The following RNF43 variants were observed in gnomAD, a reference collection of about 807,000 sequenced individuals.
RNF43 encodes the protein ring finger protein 43.
Under a neutral mutation model 78.4 loss-of-function variants are expected in RNF43, and 37 were observed. The observed-to-expected ratio is 0.47, with a 90% confidence interval of 0.36 to 0.62. The LOEUF is 0.62. Among genes scored for constraint, RNF43 ranks in the 20% least tolerant of loss-of-function variants. The pLI, the probability that RNF43 is intolerant of heterozygous loss-of-function variation, is 0.00. For missense variants in RNF43, 774 were observed against 1,007.9 expected (o/e 0.77, Z 3.14); for synonymous variants, 347 against 395.0 (o/e 0.88, Z 1.44).
intron 2 of RNF43, among the ~76,000 whole-genome samples, chr17:58,400,665 G>C (rs1353664352): frequency 1.3e-5 from 2 of 152,196 alleles, no homozygotes; most frequent in Non-Finnish European, 2.9e-5. Context: ...CAAGTCTACT[G>C]AGAGCACTTT....
chr17:58,369,709 A>C (rs1008990548), intron 3 of RNF43, among the ~76,000 whole-genome samples: 1 of 152,226 alleles, frequency 6.6e-6, no homozygotes. Flanking sequence ...GTCATCCAGC[A>C]AGTTACCTGA....
intron 2 of RNF43, among the ~76,000 whole-genome samples, chr17:58,389,976 G>A (rs533969959): frequency 3.7e-4 from 57 of 152,234 alleles, no homozygotes; most frequent in Admixed American, 6.5e-4. Flanking sequence ...AGTATTACTC[G>A]TCTTAGATGA....
At chr17:58,376,137 C>T (rs1024859411) in intron 2 of RNF43, among the ~76,000 whole-genome samples, 3 of 152,136 alleles carry the variant, frequency 2.0e-5, no homozygotes, top group African/African-American at 7.2e-5. Flanking sequence ...TACTAGACCC[C>T]AGGAGGCTGG....
chr17:58,411,819 G>C (rs1001242758), intron 2 of RNF43, among the ~76,000 whole-genome samples: 2 of 152,138 alleles, frequency 1.3e-5, no homozygotes, highest in African/African-American at 4.8e-5. Flanking sequence ...TTTAGAAGTG[G>C]TGGCAATAAT....
intron 8 of RNF43, among the ~76,000 whole-genome samples, chr17:58,359,922 G>A (rs188170284): frequency 7.0e-4 from 106 of 152,032 alleles, no homozygotes; most frequent in African/African-American, 1.9e-3. Flanking sequence ...GTGAAACTCC[G>A]TCTCAAAAAA....
intron 9 of RNF43, among the ~76,000 whole-genome samples, 169 bp from the exon 10 acceptor site, chr17:58,355,155 A>G (rs1972662351): frequency 6.6e-6 from 1 of 152,212 alleles, no homozygotes; most frequent in Admixed American, 6.5e-5. Context: ...GTTGGGACAC[A>G]GGGGAGAGAA....
chr17:58,409,032 G>A (rs763533381), intron 2 of RNF43, among the ~76,000 whole-genome samples: 10 of 152,120 alleles, frequency 6.6e-5, no homozygotes, highest in Non-Finnish European at 1.3e-4. Context: ...GAGAATATGA[G>A]TCCTCAGGGA....
At chr17:58,377,268 A>G (rs1339656018) in intron 2 of RNF43, among the ~76,000 whole-genome samples, 1 of 152,220 alleles carries the variant, frequency 6.6e-6, no homozygotes, top group African/African-American at 2.4e-5. Flanking sequence ...ACTTAATGGC[A>G]GCTGTTTTTA....
At chr17:58,384,605 A>T (rs1973392948) in intron 2 of RNF43, among the ~76,000 whole-genome samples, 1 of 152,210 alleles carries the variant, frequency 6.6e-6, no homozygotes, top group South Asian at 2.1e-4. Context: ...TTAGGTAACT[A>T]AGGCTTGAAG....
downstream of RNF43, chr17:58,353,045 C>T: frequency 4.7e-6 from 1 of 214,252 alleles, no homozygotes; most frequent in South Asian, 1.9e-4. Context: ...GGAGCACCAG[C>T]TCTCTGTCCT....
intron 2 of RNF43, among the ~76,000 whole-genome samples, chr17:58,396,543 G>A (rs1973685872): frequency 6.6e-6 from 1 of 152,084 alleles, no homozygotes; most frequent in Non-Finnish European, 1.5e-5. Flanking sequence ...AAAACAGAGC[G>A]GGTACTGTCC....
chr17:58,384,691 G>A (rs1047256257), intron 2 of RNF43, among the ~76,000 whole-genome samples: 2 of 152,166 alleles, frequency 1.3e-5, no homozygotes, highest in Admixed American at 1.3e-4. Flanking sequence ...AATGAAGGGA[G>A]ACTTGACAGA....
intron 2 of RNF43, among the ~76,000 whole-genome samples, chr17:58,384,468 T>C (rs565906764): frequency 6.6e-6 from 1 of 152,392 alleles, no homozygotes; most frequent in African/African-American, 2.4e-5. Flanking sequence ...ACTCTGCTAA[T>C]GGAACCCTTC....
intron 2 of RNF43, among the ~76,000 whole-genome samples, chr17:58,411,144 C>G (rs77261562): frequency 0.014 from 2,069 of 152,250 alleles, 87 homozygotes; most frequent in Admixed American, 0.081. Context: ...TGAGCTAATA[C>G]ATGTAAAGTG....
At chr17:58,394,132 G>A (rs1415494434) in intron 2 of RNF43, among the ~76,000 whole-genome samples, 1 of 152,144 alleles carries the variant, frequency 6.6e-6, no homozygotes, top group Non-Finnish European at 1.5e-5. Context: ...CTCTCTACTG[G>A]GGATACCCTT....
intron 3 of RNF43, among the ~76,000 whole-genome samples, chr17:58,367,533 T>C (rs1366138082): frequency 6.6e-6 from 1 of 152,110 alleles, no homozygotes; most frequent in African/African-American, 2.4e-5. Flanking sequence ...GTGGCCTCCA[T>C]GGTAAGAGAG....
At chr17:58,375,955 TGA>T (rs1342708151) in intron 2 of RNF43, among the ~76,000 whole-genome samples, 1 of 152,070 alleles carries the variant, frequency 6.6e-6, no homozygotes, top group African/African-American at 2.4e-5. Context: ...TGAGGAAGTG[TGA>T]GTGTCCTGAA....
intron 2 of RNF43, among the ~76,000 whole-genome samples, chr17:58,407,069 ATTTTTTT>A (rs35270032): frequency 5.4e-5 from 4 of 74,192 alleles, no homozygotes; most frequent in African/African-American, 1.6e-4. Flanking sequence ...AGAGACCAGA[ATTTTTTT>A]TTTTTTTTTT....
At chr17:58,408,149 A>G in intron 2 of RNF43, among the ~76,000 whole-genome samples, 1 of 152,214 alleles carries the variant, frequency 6.6e-6, no homozygotes, top group Non-Finnish European at 1.5e-5. Flanking sequence ...ACTGAAGGTA[A>G]ATTTGTTTTG....
Sources: gnomAD v4.1 joint callset for allele counts (sites outside exome capture counted in the v4.1 genomes callset) on GRCh38, gnomAD v4.1.1 for gene constraint, MANE v1.5 for transcripts, NCBI Gene and HGNC (gene_info 2026-07-23, HGNC 2026-07-21) for gene names.